ANKS1A: variants seen among roughly 807,000 people sequenced by gnomAD.
ANKS1A encodes the protein ankyrin repeat and sterile alpha motif domain containing 1A, also known as ankyrin repeat and SAM domain-containing protein 1A.
Under a neutral mutation model 120.3 loss-of-function variants are expected in ANKS1A, and 55 were observed. The observed-to-expected ratio is 0.46, with a 90% confidence interval of 0.37 to 0.57. ANKS1A has a LOEUF of 0.57. Ranked by LOEUF, ANKS1A falls within the 20% of genes least tolerant of loss-of-function variation. ANKS1A has a pLI of 0.00. For missense variants in ANKS1A, 1,123 were observed against 1,480.3 expected (o/e 0.76, Z 3.96); for synonymous variants, 590 against 604.7 (o/e 0.98, Z 0.36).
At chr6:34,918,061 G>A (rs544031646) in intron 1 of ANKS1A, among the ~76,000 whole-genome samples, 12 of 152,164 alleles carry the variant, frequency 7.9e-5, no homozygotes, top group East Asian at 1.9e-4. Flanking sequence ...CCTCTCTGCC[G>A]TGTTCCTAGG....
At chr6:34,925,600 G>C (rs909572095) in intron 1 of ANKS1A, among the ~76,000 whole-genome samples, 2 of 152,212 alleles carry the variant, frequency 1.3e-5, no homozygotes, top group African/African-American at 4.8e-5. Flanking sequence ...GGAGAATCTA[G>C]TTCAGGGAAA....
In ANKS1A at chr6:34,889,504, C is replaced by A. The variant is rs1294600424; in HGVS notation, c.102C>A (p.Gly34=). 7.9e-7 allele frequency: 1 copy of A among 1,269,708 alleles called. No homozygotes were observed. 78.7% of individuals were successfully genotyped at this position (1,269,708 alleles called of 1,614,324 possible). The change falls in exon 1 of 24, where the codon GGC becomes GGA. Residue 34 remains glycine, a synonymous_variant. Transcript: ENST00000360359. The surrounding 1 kb of genome is among the most constrained non-coding windows in gnomAD (Gnocchi z 5.5). The stretch of plus-strand genomic sequence containing the variant: ...AGCGGCTCTCCTCAGGCTTTGGGGG[C>A]GGCGGCGGCGGTGGCTCTGGGGGCG... ...SGKRLSSGFG[G]GGGGGSGGGG...
intron 13 of ANKS1A, among the ~76,000 whole-genome samples, chr6:35,069,107 G>T (rs1776940992): frequency 6.6e-6 from 1 of 152,162 alleles, no homozygotes; most frequent in Non-Finnish European, 1.5e-5. Flanking sequence ...CAGGTGATAG[G>T]GTGGTCCCAG....
Position 34,995,407 on chromosome 6 carries a change from C to T in ANKS1A, c.1423+985C>T, listed in dbSNP as rs117230521. 3.0e-4 allele frequency among the ~76,000 whole-genome samples: 45 copies of T among 151,434 alleles called. No individual in the cohort carries two copies. The East Asian group carries it at 4.1e-3, about 14-fold the overall frequency. On this transcript the variant is annotated intron_variant, in intron 10 of 23. Coordinates refer to ENST00000360359, the MANE Select transcript of ANKS1A (RefSeq NM_015245.3). ...TGTTTTGTATTTTATGGTTTCCATT[C>T]GGAGCTTTTTAAAAAAGTTATAATT...
Position 34,889,669 on chromosome 6 carries a change from G to A in ANKS1A, c.197+70G>A, listed in dbSNP as rs1766700506. On this transcript the variant is annotated intron_variant, in intron 1 of 23. Transcript: ENST00000360359. This position sits in a 1 kb window ranked among gnomAD's most constrained non-coding sequence, Gnocchi z 5.5. ...CCCCCACCCGTCTCTTGGGTCCCCA[G>A]AGAGATCGGGGGTCCTGAGACTCGG... 8.2e-7 allele frequency: 1 copy of A among 1,224,372 alleles called. No individual in the cohort carries two copies. The highest frequency in any genetic ancestry group is 1.0e-6 in the Non-Finnish European group (1 of 982,750). 75.8% of individuals were successfully genotyped at this position (1,224,372 alleles called of 1,614,324 possible).
chr6:34,983,138 C>T lies in ANKS1A; in HGVS notation c.834C>T (p.Asn278=). 1.2e-6 allele frequency: 2 copies of T among 1,614,172 alleles called. No individual in the cohort carries two copies. Among genetic ancestry groups the T allele is most frequent in the Non-Finnish European group, 1.7e-6 (2 of 1,180,028 alleles). ...GAACTGACGTCAACATAAAAGATAACCATGGACTGACTGCCCTAGACACTG... is the reference window on the plus strand; with the variant it reads ...GAACTGACGTCAACATAAAAGATAATCATGGACTGACTGCCCTAGACACTG... ...AAGTDVNIKD[N]HGLTALDTVR... Residue 278 remains asparagine (N), a synonymous_variant, in exon 6 of 24, where the codon AAC becomes AAT. Coordinates refer to ENST00000360359, the MANE Select transcript of ANKS1A (RefSeq NM_015245.3).
intron 9 of ANKS1A, among the ~76,000 whole-genome samples, chr6:34,992,005 T>A (rs1772603156): frequency 6.6e-6 from 1 of 152,068 alleles, no homozygotes. Flanking sequence ...ATTGTGAGGA[T>A]TTTTAATCCC....
intron 1 of ANKS1A, among the ~76,000 whole-genome samples, chr6:34,923,594 A>G (rs1400063948): frequency 6.6e-6 from 1 of 152,248 alleles, no homozygotes; most frequent in Non-Finnish European, 1.5e-5. Flanking sequence ...ACAGATGAGG[A>G]AACAGAGGCT....
chr6:35,030,627 C>T (rs1301145915), intron 11 of ANKS1A, among the ~76,000 whole-genome samples: 3 of 152,176 alleles, frequency 2.0e-5, no homozygotes, highest in Non-Finnish European at 4.4e-5. Flanking sequence ...AAGTAACCCC[C>T]TCTACCATCC....
rs537008699 is a variant in ANKS1A at position 34,957,765 on chromosome 6, G to C, written c.198-9474G>C. Among the ~76,000 whole-genome samples the C allele has an allele frequency of 7.2e-5, 11 of 152,282 alleles. 4 individuals are homozygous for C. The highest frequency in any genetic ancestry group is 2.6e-4 in the African/African-American group (11 of 41,564). On this transcript the variant is annotated intron_variant, in intron 1 of 23. Transcript: ENST00000360359. ...CAGGAGGAGACCCACAGAGATGCAC[G>C]CTGTTTTCTCTAAACATTCAGTGTC...
chr6:35,041,509 A>G (rs1775456148), intron 11 of ANKS1A, among the ~76,000 whole-genome samples: 1 of 152,106 alleles, frequency 6.6e-6, no homozygotes, highest in Non-Finnish European at 1.5e-5. Flanking sequence ...TACACTCCAT[A>G]ATTGCAACTT....
chr6:35,015,222 A>G (rs1773938672), intron 10 of ANKS1A, among the ~76,000 whole-genome samples: 1 of 152,050 alleles, frequency 6.6e-6, no homozygotes, highest in Non-Finnish European at 1.5e-5. Context: ...GAGGGGCCCA[A>G]CACAGTGGCT....
rs1428085696 is a variant in ANKS1A at position 35,084,287 on chromosome 6, C to T, written c.3132+29C>T. ...GGTGGGGTCCTGGGGCCGGGTGGGGCAGGCTTGGGTTGCAGCCCTGAGGCG... is the reference window on the plus strand; with the variant it reads ...GGTGGGGTCCTGGGGCCGGGTGGGGTAGGCTTGGGTTGCAGCCCTGAGGCG... On this transcript the variant is annotated intron_variant, in intron 21 of 23. Coordinates refer to ENST00000360359, the MANE Select transcript of ANKS1A (RefSeq NM_015245.3). The surrounding 1 kb of genome is among the most constrained non-coding windows in gnomAD (Gnocchi z 4.8). The T allele has an allele frequency of 5.0e-6, 8 of 1,611,026 alleles. No individual in the cohort carries two copies.
chr6:34,964,937 G>A (rs1468955734), intron 1 of ANKS1A, among the ~76,000 whole-genome samples: 1 of 152,140 alleles, frequency 6.6e-6, no homozygotes, highest in Non-Finnish European at 1.5e-5. Flanking sequence ...GTTTTAATTT[G>A]CATTCTTCTA....
intron 1 of ANKS1A, among the ~76,000 whole-genome samples, chr6:34,956,266 C>T (rs770617540): frequency 1.3e-5 from 2 of 151,022 alleles, no homozygotes; most frequent in Non-Finnish European, 3.0e-5. Flanking sequence ...GTTTTTTAAT[C>T]CTGTTCTTCT....
intron 3 of ANKS1A, among the ~76,000 whole-genome samples, chr6:34,972,401 A>T (rs1771228671): frequency 6.6e-6 from 1 of 152,126 alleles, no homozygotes; most frequent in Admixed American, 6.5e-5. Context: ...TAGGATGCTT[A>T]GATTAAAGGG....
At chr6:35,072,839 CG>C (rs1777148104) in intron 13 of ANKS1A, among the ~76,000 whole-genome samples, 1 of 152,190 alleles carries the variant, frequency 6.6e-6, no homozygotes, top group African/African-American at 2.4e-5. Context: ...CAGCCCAGGA[CG>C]GGTGTCCTGC....
intron 1 of ANKS1A, among the ~76,000 whole-genome samples, chr6:34,930,260 G>A (rs1184091817): frequency 1.3e-5 from 2 of 152,078 alleles, no homozygotes; most frequent in African/African-American, 4.8e-5. Flanking sequence ...CCTTACTGTG[G>A]GGGGACTTAG....
intron 10 of ANKS1A, among the ~76,000 whole-genome samples, chr6:35,011,466 C>T (rs991781478): frequency 6.6e-6 from 1 of 152,140 alleles, no homozygotes; most frequent in African/African-American, 2.4e-5. Flanking sequence ...AGGTAGAGAA[C>T]AGACGCTTTA....
Sources: allele counts gnomAD v4.1 joint callset (sites outside exome capture counted in the v4.1 genomes callset), GRCh38; gene constraint gnomAD v4.1.1; non-coding constraint Gnocchi (gnomAD v3.1); transcripts MANE v1.5; gene names NCBI Gene and HGNC (gene_info 2026-07-23, HGNC 2026-07-21).